Variants in ITGB2 observed in about 807,000 individuals in gnomAD.
The protein encoded by ITGB2 is integrin subunit beta 2.
A neutral mutation model predicts 86.8 loss-of-function variants in ITGB2; 56 were observed. That is an observed-to-expected ratio of 0.65 (90% confidence interval 0.52 to 0.81). The LOEUF is 0.81. Among genes scored for constraint, ITGB2 ranks in the 30% least tolerant of loss-of-function variants. The pLI is 0.00. For missense variants in ITGB2, 948 were observed against 1,061.2 expected (o/e 0.89, Z 1.48); for synonymous variants, 457 against 450.4 (o/e 1.01, Z -0.19).
At chr21:44,910,496 C>A in intron 2 of ITGB2, 124 bp from the exon 3 acceptor site, 3 of 1,550,092 alleles carry the variant, frequency 1.9e-6, no homozygotes, top group Non-Finnish European at 1.7e-6. Flanking sequence ...AGGAGGAGAC[C>A]CCGCATTCGC....
At position 44,910,794 on chromosome 21, in the gene ITGB2, G is replaced by T. The variant is rs376748153; in HGVS notation, c.-3-9C>A. The T allele has an allele frequency of 6.2e-7, 1 of 1,612,322 alleles. No homozygotes were observed. The highest frequency in any genetic ancestry group is 1.3e-5 in the African/African-American group (1 of 74,922). ...CGCAGGCCCAGCATGTCCTGTGGAG[G>T]GAAGGGGTCTTGGTGACGGTCTCAG... On this transcript the variant is annotated splice_polypyrimidine_tract_variant and intron_variant, in intron 1 of 15. Transcript: ENST00000652462.
intron 3 of ITGB2, among the ~76,000 whole-genome samples, chr21:44,907,665 G>A (rs1039492508): frequency 6.6e-6 from 1 of 152,260 alleles, no homozygotes; most frequent in African/African-American, 2.4e-5. Flanking sequence ...TGTTTGGTGG[G>A]TCCCGTCACT....
At chr21:44,903,652 T>G in intron 4 of ITGB2, 117 bp from the exon 5 acceptor site, 5 of 1,188,580 alleles carry the variant, frequency 4.2e-6, no homozygotes, top group Non-Finnish European at 6.1e-6. Flanking sequence ...CCCCAAATCC[T>G]CCTGACCTCC....
intron 1 of ITGB2, among the ~76,000 whole-genome samples, chr21:44,919,223 C>A (rs1411094915): frequency 6.6e-6 from 1 of 152,130 alleles, no homozygotes; most frequent in African/African-American, 2.4e-5. Flanking sequence ...CAGGATGGCA[C>A]CCGGCGGGGA....
chr21:44,904,083 C>T (rs1193619819), intron 4 of ITGB2, among the ~76,000 whole-genome samples: 1 of 152,144 alleles, frequency 6.6e-6, no homozygotes, highest in African/African-American at 2.4e-5. Flanking sequence ...AGCCTGTGTC[C>T]CTGGCTCCCA....
At position 44,893,481 on chromosome 21, in the gene ITGB2, C is replaced by A. The variant is rs761568662; in HGVS notation, c.1147G>T (p.Asp383Tyr). The change falls in exon 10 of 16, where the codon GAC becomes TAC. Residue 383 changes from aspartate to tyrosine, a missense_variant. By Grantham distance (160) the Asp-to-Tyr change is radical (BLOSUM62 -3). Coordinates refer to ENST00000652462, the MANE Select transcript of ITGB2 (RefSeq NM_000211.5). ...ALPDTLKVTY[D>Y]SFCSNGVTHR... ...GTCACTCCATTGCTGCAGAAGGAGTCGTAGGTGACTTTCAGGGTGTCGGGG... is the reference window on the plus strand; with the variant it reads ...GTCACTCCATTGCTGCAGAAGGAGTAGTAGGTGACTTTCAGGGTGTCGGGG... 1 of 1,614,134 alleles carries A rather than the reference C, an allele frequency of 6.2e-7. No homozygotes were observed. Among genetic ancestry groups the A allele is most frequent in the South Asian group, 1.1e-5 (1 of 91,070 alleles).
intron 1 of ITGB2, among the ~76,000 whole-genome samples, chr21:44,917,271 C>T (rs2084225676): frequency 6.6e-6 from 1 of 152,110 alleles, no homozygotes; most frequent in Non-Finnish European, 1.5e-5. Context: ...AACAGCTGCT[C>T]AGGGCAGCTT....
At chr21:44,899,968 G>C (rs535313666) in intron 7 of ITGB2, among the ~76,000 whole-genome samples, 1 of 152,244 alleles carries the variant, frequency 6.6e-6, no homozygotes, top group African/African-American at 2.4e-5. Context: ...ATGGGACCCT[G>C]GCCAGAGGCG....
chr21:44,904,799 A>G (rs1187677069), intron 4 of ITGB2, among the ~76,000 whole-genome samples: 1 of 150,894 alleles, frequency 6.6e-6, no homozygotes, highest in Non-Finnish European at 1.5e-5. Flanking sequence ...CACCCCACAC[A>G]ATGCTAAACA....
upstream of ITGB2, among the ~76,000 whole-genome samples, chr21:44,924,925 T>G (rs1032930386): frequency 6.6e-6 from 1 of 152,152 alleles, no homozygotes; most frequent in Non-Finnish European, 1.5e-5. Flanking sequence ...AGCAGGACAG[T>G]GGTTACCCCT....
chr21:44,902,148 GAC>G (rs1470800034), intron 5 of ITGB2, among the ~76,000 whole-genome samples: 1 of 152,190 alleles, frequency 6.6e-6, no homozygotes, highest in Non-Finnish European at 1.5e-5. Context: ...TTCAGGTATG[GAC>G]ACACCTAGTT....
At chr21:44,895,883 T>TAAAATA (rs1555855780) in intron 8 of ITGB2, among the ~76,000 whole-genome samples, 12 of 127,534 alleles carry the variant, frequency 9.4e-5, no homozygotes, top group African/African-American at 4.6e-4. Flanking sequence ...AATAAAAAAA[T>TAAAATA]AAATAAAATA....
chr21:44,900,209 A>T (rs561852391), intron 7 of ITGB2, 111 bp downstream of exon 7: 1 of 1,420,300 alleles, frequency 7.0e-7, no homozygotes, highest in East Asian at 2.4e-5. Context: ...TTCCTCAGGA[A>T]TCTGCTCCTT....
chr21:44,889,971 G>A lies in ITGB2; in HGVS notation c.1657+7C>T. On this transcript the variant is annotated splice_region_variant and intron_variant, in intron 12 of 15. Transcript: ENST00000652462. ...GGCCGTTGTCCAGCAGGGACCCACG[G>A]GCTCACCCGGGCCGCCGCAGACCTG... 1 of 1,612,938 alleles carries A rather than the reference G, an allele frequency of 6.2e-7. No homozygotes were observed. The highest frequency in any genetic ancestry group is 8.5e-7 in the Non-Finnish European group (1 of 1,180,010).
intron 14 of ITGB2, among the ~76,000 whole-genome samples, chr21:44,887,967 C>G (rs2083723777): frequency 6.6e-6 from 1 of 152,190 alleles, no homozygotes; most frequent in Admixed American, 6.5e-5. Flanking sequence ...GCCAGCGGCC[C>G]CCCAGCCCCA....
chr21:44,901,455 G>A, intron 6 of ITGB2, 37 bp downstream of exon 6: 1 of 1,608,842 alleles, frequency 6.2e-7, no homozygotes, highest in Non-Finnish European at 8.5e-7. Flanking sequence ...CCCACACTGG[G>A]GGAACGTGGG....
chr21:44,901,586 T>A lies in ITGB2; in HGVS notation c.647A>T (p.Gln216Leu). The A allele has an allele frequency of 6.2e-7, 1 of 1,614,232 alleles. No homozygotes were observed. The highest frequency in any genetic ancestry group is 8.5e-7 in the Non-Finnish European group (1 of 1,180,036). ...CTGCTTCCCGACCTCGGTCTGAAAC[T>A]GGTTGGAGTTGTTGGTCAGCTTCAG... ...HVLKLTNNSN[Q>L]FQTEVGKQLI... Residue 216 changes from glutamine (Q) to leucine (L), a missense_variant, in exon 6 of 16, where the codon CAG (glutamine) becomes CTG (leucine). Gln to Leu is a moderately radical substitution (Grantham distance 113). Transcript: ENST00000652462.
At chr21:44,912,303 C>A (rs114845595) in intron 1 of ITGB2, among the ~76,000 whole-genome samples, 540 of 152,158 alleles carry the variant, frequency 3.5e-3, no homozygotes, top group African/African-American at 0.012. Flanking sequence ...GGCTCGGGTG[C>A]CCTCAGCCAC....
chr21:44,900,594 T>C lies in ITGB2; in HGVS notation c.742-119A>G, dbSNP rs549097231. ...GCCCGGAGGCTGGTGTGGGTCCCCC[T>C]TTCCCCTGGGTCTCAGGGACCCAGC... On this transcript the variant is annotated intron_variant, in intron 6 of 15. Transcript: ENST00000652462. The C allele has an allele frequency of 2.2e-4, 280 of 1,267,518 alleles. 1 individual carries two copies. The African/African-American group carries it at 3.5e-3, about 16-fold the overall frequency. The allele number at this position is 1,267,518 out of a possible 1,614,324, so 78.5% of individuals were successfully genotyped here.
Sources: allele counts gnomAD v4.1 joint callset (sites outside exome capture counted in the v4.1 genomes callset), GRCh38; gene constraint gnomAD v4.1.1; transcripts MANE v1.5; gene names NCBI Gene and HGNC (gene_info 2026-07-23, HGNC 2026-07-21).